INPP5B: variants seen among roughly 807,000 people sequenced by gnomAD.
INPP5B encodes inositol polyphosphate-5-phosphatase B.
In INPP5B, 90 loss-of-function variants were observed where a neutral mutation model predicts 118.5. That is an observed-to-expected ratio of 0.76 (90% confidence interval 0.64 to 0.90). The LOEUF (loss-of-function observed/expected upper bound fraction) is 0.90. Ranked by LOEUF, INPP5B falls within the 40% of genes least tolerant of loss-of-function variation. The pLI is 0.00. For synonymous variants in INPP5B, 385 were observed against 418.9 expected (o/e 0.92, Z 0.99); for missense variants, 984 against 1,125.6 (o/e 0.87, Z 1.80).
At chr1:37,863,026 G>GA (rs1641791229) in intron 23 of INPP5B, among the ~76,000 whole-genome samples, 1 of 152,150 alleles carries the variant, frequency 6.6e-6, no homozygotes, top group African/African-American at 2.4e-5. Flanking sequence ...CGTGTCCCCA[G>GA]TGGGGGCTCG....
chr1:37,911,937 A>T (rs1162431505), intron 7 of INPP5B, among the ~76,000 whole-genome samples: 2 of 152,180 alleles, frequency 1.3e-5, no homozygotes, highest in African/African-American at 4.8e-5. Flanking sequence ...ACTGGACAGT[A>T]CTTTGCCCTT....
At chr1:37,862,687 A>G (rs1641771246) in intron 23 of INPP5B, among the ~76,000 whole-genome samples, 1 of 152,244 alleles carries the variant, frequency 6.6e-6, no homozygotes, top group Non-Finnish European at 1.5e-5. Context: ...AGTGCTAAGT[A>G]TTTGTGCATC....
At chr1:37,933,226 A>T (rs569157532) in intron 6 of INPP5B, among the ~76,000 whole-genome samples, 1 of 152,330 alleles carries the variant, frequency 6.6e-6, no homozygotes, top group South Asian at 2.1e-4. Flanking sequence ...TTATATTTCC[A>T]TTGTATAAAT....
intron 7 of INPP5B, among the ~76,000 whole-genome samples, chr1:37,902,588 G>C (rs898912959): frequency 3.3e-5 from 5 of 151,854 alleles, no homozygotes; most frequent in Admixed American, 2.0e-4. Context: ...ATGTTGTTTC[G>C]CTCTTGTTAA....
At chr1:37,919,759 C>T (rs28540097) in intron 7 of INPP5B, among the ~76,000 whole-genome samples, 4 of 151,944 alleles carry the variant, frequency 2.6e-5, no homozygotes, top group Admixed American at 6.6e-5. Context: ...GCCAAAATGG[C>T]GAAACCCCAT....
At chr1:37,902,611 G>A (rs1043667423) in intron 7 of INPP5B, among the ~76,000 whole-genome samples, 2 of 152,104 alleles carry the variant, frequency 1.3e-5, no homozygotes, top group African/African-American at 4.8e-5. Flanking sequence ...AGGCTGGAGT[G>A]CAATGGCACA....
intron 7 of INPP5B, chr1:37,930,838 G>C (rs1645428202): frequency 6.6e-6 from 1 of 152,226 alleles, no homozygotes; most frequent in Non-Finnish European, 1.5e-5. Context: ...ACAGCTACTT[G>C]ACAGGCTCTT....
At chr1:37,874,373 A>T (rs1379777852) in intron 17 of INPP5B, among the ~76,000 whole-genome samples, 1 of 152,202 alleles carries the variant, frequency 6.6e-6, no homozygotes, top group Non-Finnish European at 1.5e-5. Flanking sequence ...TTGTATGTCT[A>T]CTTCCTGAAG....
intron 18 of INPP5B, 122 bp from the exon 19 acceptor site, chr1:37,873,287 A>G (rs928094540): frequency 4.4e-6 from 3 of 687,720 alleles, no homozygotes; most frequent in Non-Finnish European, 7.6e-6. Context: ...GGTATCAGCC[A>G]ACCAACAAGC....
chr1:37,901,901 A>G lies in INPP5B; in HGVS notation c.533-10447T>C, dbSNP rs541423416. Among the ~76,000 whole-genome samples, 4 of 151,720 alleles carry G rather than the reference A, an allele frequency of 2.6e-5. No individual in the cohort carries two copies. In the East Asian group the frequency reaches 7.8e-4, roughly 29 times the overall value. ...CCCTTTTTTTAACCTCAGACCTCCA[A>G]TCTTTTTGTCACCCAATCTAATAGG... On this transcript the variant is annotated intron_variant, in intron 7 of 23. Transcript: ENST00000373024.
chr1:37,922,648 A>C (rs1358940627), intron 7 of INPP5B, among the ~76,000 whole-genome samples: 2 of 152,224 alleles, frequency 1.3e-5, no homozygotes, highest in African/African-American at 4.8e-5. Flanking sequence ...GTGAGCCAAG[A>C]TCGCACCACT....
At chr1:37,863,213 T>TAAAAA (rs869054961) in intron 23 of INPP5B, among the ~76,000 whole-genome samples, 2 of 128,312 alleles carry the variant, frequency 1.6e-5, no homozygotes, top group African/African-American at 3.0e-5. Flanking sequence ...CACTGCCCTT[T>TAAAAA]AAAAAAAAAA....
intron 6 of INPP5B, among the ~76,000 whole-genome samples, chr1:37,934,172 T>C (rs1450727078): frequency 6.6e-6 from 1 of 152,058 alleles, no homozygotes; most frequent in African/African-American, 2.4e-5. Flanking sequence ...GACCTCATGA[T>C]CCGCCCACCT....
chr1:37,865,810 G>T lies in INPP5B; in HGVS notation c.2465C>A (p.Thr822Asn), dbSNP rs755205085. The part of the protein sequence containing the change: ...SLPEPVICYS[T>N]YHNCLECSGN... ...AGAACACTCCAAGCAGTTATGGTAGGTGCTGTAACAGATGACAGGCTCTGG... is the reference window on the plus strand; with the variant it reads ...AGAACACTCCAAGCAGTTATGGTAGTTGCTGTAACAGATGACAGGCTCTGG... Residue 822 changes from threonine to asparagine, a missense_variant, in exon 22 of 24, where the codon ACC (threonine) becomes AAC (asparagine). Physicochemically the swap from Thr to Asn is moderately conservative, Grantham distance 65. This residue lies in a region of INPP5B where 634 missense variants were observed against 791.0 expected (regional missense o/e 0.80). Coordinates refer to ENST00000373024, the MANE Select transcript of INPP5B (RefSeq NM_005540.3). 5.6e-6 allele frequency: 9 copies of T among 1,613,834 alleles called. No homozygotes were observed. The highest frequency in any genetic ancestry group is 7.6e-6 in the Non-Finnish European group (9 of 1,179,810).
chr1:37,885,852 CAATTCAAACTT>C (rs1643496098), intron 12 of INPP5B, 27 bp from the exon 13 acceptor site: 1 of 1,605,190 alleles, frequency 6.2e-7, no homozygotes, highest in African/African-American at 1.3e-5. Flanking sequence ...CAAAGAAATC[CAATTCAAACTT>C]AATTGTGTCA....
rs927879147 is a variant in INPP5B at position 37,862,123 on chromosome 1, T to C, written c.*192A>G. ...GTCAGTTTTATTATGGTGGATTTTC[T>C]CCCGTGTCTTCACGACTCACAGCGC... On this transcript the variant is annotated 3_prime_UTR_variant, in exon 24 of 24. Transcript: ENST00000373024. 16 of 498,178 alleles carry C rather than the reference T, an allele frequency of 3.2e-5. No homozygotes were observed. Among genetic ancestry groups the C allele is most frequent in the Non-Finnish European group, 5.4e-5 (15 of 279,370 alleles). 30.9% of individuals were successfully genotyped at this position (498,178 alleles called of 1,614,324 possible). A position where few individuals can be genotyped will look rare whatever the true frequency, so the allele number is the denominator to read the frequency against.
intron 16 of INPP5B, among the ~76,000 whole-genome samples, chr1:37,877,066 A>G (rs1570034142): frequency 6.6e-6 from 1 of 151,586 alleles, no homozygotes; most frequent in Non-Finnish European, 1.5e-5. Flanking sequence ...GTGTCTTTTG[A>G]AAAAAAACAA....
chr1:37,894,571 T>C (rs565857150), intron 7 of INPP5B, among the ~76,000 whole-genome samples: 34 of 151,298 alleles, frequency 2.2e-4, no homozygotes, highest in African/African-American at 7.5e-4. Context: ...CTTTTTTTTT[T>C]TTTTTTTTGA....
intron 3 of INPP5B, among the ~76,000 whole-genome samples, chr1:37,944,819 A>G (rs1380551201): frequency 6.6e-6 from 1 of 151,522 alleles, no homozygotes; most frequent in Admixed American, 6.6e-5. Context: ...CGGTCTCGCT[A>G]TGTTGCCCAA....
Sources: allele counts gnomAD v4.1 joint callset (sites outside exome capture counted in the v4.1 genomes callset), GRCh38; gene constraint gnomAD v4.1.1; regional missense constraint gnomAD v4.1.1; transcripts MANE v1.5; gene names NCBI Gene and HGNC (gene_info 2026-07-23, HGNC 2026-07-21).